Variants in DLGAP4 observed in about 807,000 individuals in gnomAD.
The protein encoded by DLGAP4 is disks large-associated protein 4.
A neutral mutation model predicts 86.9 loss-of-function variants in DLGAP4; 18 were observed. The ratio of observed to expected loss-of-function variants is 0.21; its 90% CI spans 0.14 to 0.31. DLGAP4 has a LOEUF of 0.31. Among genes scored for constraint, DLGAP4 ranks in the 10% least tolerant of loss-of-function variants. The probability of loss-of-function intolerance (pLI) is 1.00; values close to 1 mark genes in which losing one functional copy is unlikely to be tolerated. For missense variants in DLGAP4, 1,085 were observed against 1,362.6 expected, an observed-to-expected ratio of 0.80 and a Z score of 3.21; for synonymous variants, 548 against 574.3, an observed-to-expected ratio of 0.95 and a Z score of 0.65.
At chr20:36,524,799 G>T (rs749697835) in intron 11 of DLGAP4, among the ~76,000 whole-genome samples, 6 of 152,132 alleles carry the variant, frequency 3.9e-5, no homozygotes, top group Non-Finnish European at 8.8e-5. Context: ...CTACTCGGGA[G>T]GCTGAGGCAG....
chr20:36,480,133 C>T (rs1029851595), intron 7 of DLGAP4, among the ~76,000 whole-genome samples: 1 of 152,156 alleles, frequency 6.6e-6, no homozygotes, highest in African/African-American at 2.4e-5. Flanking sequence ...TGAATGAAGG[C>T]TGATTCCAGG....
rs145598849 is a variant in DLGAP4 at position 36,525,793 on chromosome 20, G to A, written c.2605-58G>A. 24 of 1,598,260 alleles carry A rather than the reference G, an allele frequency of 1.5e-5. No homozygotes were observed. The Admixed American group carries it at 2.5e-4, about 17-fold the overall frequency. Reference sequence around the variant, plus strand: ...AGGAACCCTGCTTGTTGGGGGGTTGGGGGGAGCAGGACAAGCCTCTGCTGA... The same window carrying A: ...AGGAACCCTGCTTGTTGGGGGGTTGAGGGGAGCAGGACAAGCCTCTGCTGA... On this transcript the variant is annotated intron_variant, in intron 11 of 12. Coordinates refer to ENST00000339266, the MANE Select transcript of DLGAP4 (RefSeq NM_001365621.2).
chr20:36,396,369 CA>C (rs1569484558), intron 2 of DLGAP4, among the ~76,000 whole-genome samples: 21 of 44,614 alleles, frequency 4.7e-4, no homozygotes, highest in Non-Finnish European at 6.3e-4. Flanking sequence ...CACGCACATA[CA>C]CACACCCCAC....
rs555924709 is a variant in DLGAP4 at position 36,384,779 on chromosome 20, A to G, written c.-73+17504A>G. 3.3e-5 allele frequency among the ~76,000 whole-genome samples: 5 copies of G among 152,322 alleles called. No homozygotes were observed. In the East Asian group the frequency reaches 9.6e-4, roughly 29 times the overall value. ...GAGCCAGAAAGGAAACAAGGAGATC[A>G]GGGGTGGTGGTGTGTAAGGCTCAGA... On this transcript the variant is annotated intron_variant, in intron 2 of 12. Transcript: ENST00000339266.
intron 10 of DLGAP4, among the ~76,000 whole-genome samples, chr20:36,510,420 C>A (rs968878439): frequency 1.3e-5 from 2 of 152,098 alleles, no homozygotes; most frequent in African/African-American, 4.8e-5. Context: ...CATGCAACCA[C>A]ACCTGGCTAA....
At chr20:36,359,168 G>A (rs995437571) in intron 1 of DLGAP4, among the ~76,000 whole-genome samples, 1 of 152,096 alleles carries the variant, frequency 6.6e-6, no homozygotes. Flanking sequence ...CACCCAGGCT[G>A]GAGTGCAGTG....
At chr20:36,373,243 T>C (rs946252325) in intron 2 of DLGAP4, among the ~76,000 whole-genome samples, 1 of 152,186 alleles carries the variant, frequency 6.6e-6, no homozygotes, top group Non-Finnish European at 1.5e-5. Flanking sequence ...AGTTCAGAGG[T>C]CTGATGGCTT....
At chr20:36,314,189 C>A (rs887368710) in intron 1 of DLGAP4, among the ~76,000 whole-genome samples, 2 of 151,474 alleles carry the variant, frequency 1.3e-5, no homozygotes, top group Admixed American at 1.3e-4. Context: ...GGGGTGTCGA[C>A]TAGACCTGGG....
At chr20:36,458,502 C>G (rs1427336213) in intron 7 of DLGAP4, among the ~76,000 whole-genome samples, 1 of 151,242 alleles carries the variant, frequency 6.6e-6, no homozygotes, top group Non-Finnish European at 1.5e-5. Context: ...GCTGGGATTA[C>G]AGGCATGAAC....
chr20:36,314,904 GA>G, intron 1 of DLGAP4, among the ~76,000 whole-genome samples: 1 of 136,574 alleles, frequency 7.3e-6, no homozygotes, highest in South Asian at 2.5e-4. Context: ...TGTGGTGTGT[GA>G]TGTGTGGTGT....
chr20:36,407,178 A>G (rs2032348945), intron 2 of DLGAP4, among the ~76,000 whole-genome samples: 1 of 152,158 alleles, frequency 6.6e-6, no homozygotes, highest in Non-Finnish European at 1.5e-5. Context: ...CTGTCTCTAC[A>G]AAAAGTGAAA....
chr20:36,526,801 G>A lies in DLGAP4; in HGVS notation c.2761-12G>A. ...ATTTTATTTTTGTTCTCTCCTCACT[G>A]TCTCACTAAAGGAAGAGAAGAAACC... On this transcript the variant is annotated splice_polypyrimidine_tract_variant and intron_variant, in intron 12 of 12. Transcript: ENST00000339266. 2 of 1,588,202 alleles carry A rather than the reference G, an allele frequency of 1.3e-6. No individual in the cohort carries two copies. Among genetic ancestry groups the A allele is most frequent in the Admixed American group, 1.9e-5 (1 of 53,498 alleles).
At position 36,434,288 on chromosome 20, in the gene DLGAP4, G is replaced by A. The variant is rs921684259; in HGVS notation, c.999+1572G>A. Among the ~76,000 whole-genome samples, 12 of 152,276 alleles carry A rather than the reference G, an allele frequency of 7.9e-5. No individual in the cohort carries two copies. In the South Asian group the frequency reaches 8.3e-4, roughly 11 times the overall value. On this transcript the variant is annotated intron_variant, in intron 3 of 12. Transcript: ENST00000339266. ...GATGATCTTCGGGGTCTAACAAAGC[G>A]CTGACTTCTTATCATCTTATATGAA...
rs201160373 is a variant in DLGAP4 at position 36,481,299 on chromosome 20, CTGAT to C, written c.1649-15403_1649-15400del. On this transcript the variant is annotated intron_variant, in intron 7 of 12. Coordinates refer to ENST00000339266, the MANE Select transcript of DLGAP4 (RefSeq NM_001365621.2). The stretch of plus-strand genomic sequence containing the variant: ...ACAATCCCCACCTTCCTTTTCCCCT[CTGAT>C]TGTAGTGTGACCCTCTGGGGCTACA... 6.3e-3 allele frequency among the ~76,000 whole-genome samples: 958 copies of C among 152,298 alleles called. 8 individuals carry two copies. Among genetic ancestry groups the C allele is most frequent in the South Asian group, 0.016 (75 of 4,828 alleles).
chr20:36,381,741 A>C (rs1313698085), intron 2 of DLGAP4, among the ~76,000 whole-genome samples: 1 of 151,996 alleles, frequency 6.6e-6, no homozygotes, highest in African/African-American at 2.4e-5. Context: ...GACAGGTATG[A>C]TGGGTCCTGG....
intron 1 of DLGAP4, among the ~76,000 whole-genome samples, chr20:36,321,046 A>T (rs2065162756): frequency 6.6e-6 from 1 of 152,324 alleles, no homozygotes; most frequent in East Asian, 1.9e-4. Flanking sequence ...CAAAGGAGCC[A>T]CATCACAGTC....
At chr20:36,310,180 A>AAAAGAAAGAAAGAAAG (rs1161085107) in intron 1 of DLGAP4, among the ~76,000 whole-genome samples, 4 of 124,184 alleles carry the variant, frequency 3.2e-5, no homozygotes, top group African/African-American at 1.5e-4. Flanking sequence ...CAAAAAAAAA[A>AAAAGAAAGAAAGAAAG]AAAGAAAGAA....
intron 7 of DLGAP4, among the ~76,000 whole-genome samples, chr20:36,455,833 ACAGTCAACCCTC>A (rs527865918): frequency 2.0e-5 from 3 of 152,186 alleles, no homozygotes; most frequent in Non-Finnish European, 4.4e-5. Context: ...ATTGCAGTAC[ACAGTCAACCCTC>A]CAGTCAACCC....
Position 36,439,623 on chromosome 20 carries a change from G to A in DLGAP4, c.1242-131G>A. 4.1e-6 allele frequency: 3 copies of A among 725,774 alleles called. No homozygotes were observed. In the East Asian group the frequency reaches 8.2e-5, roughly 20 times the overall value. The allele number at this position is 725,774 out of a possible 1,614,324, so 45.0% of individuals were successfully genotyped here. A position where few individuals can be genotyped will look rare whatever the true frequency, so the allele number is the denominator to read the frequency against. On this transcript the variant is annotated intron_variant, in intron 4 of 12. Coordinates refer to ENST00000339266, the MANE Select transcript of DLGAP4 (RefSeq NM_001365621.2). ...GTTTTAAACAGTCAAATACAAGCTGGTGCTGCCACCCTGCGGCTGCAGCGG... is the reference window on the plus strand; with the variant it reads ...GTTTTAAACAGTCAAATACAAGCTGATGCTGCCACCCTGCGGCTGCAGCGG...
Sources: allele counts gnomAD v4.1 joint callset (sites outside exome capture counted in the v4.1 genomes callset), GRCh38; gene constraint gnomAD v4.1.1; transcripts MANE v1.5; gene names NCBI Gene and HGNC (gene_info 2026-07-23, HGNC 2026-07-21).